Variants in PTPN3 observed in about 807,000 individuals in gnomAD.
PTPN3 encodes tyrosine-protein phosphatase non-receptor type 3.
PTPN3 carries 96 observed loss-of-function variants against 132.7 expected under a neutral mutation model. The observed-to-expected ratio is 0.72, with a 90% CI of 0.61 to 0.86. PTPN3 has a LOEUF of 0.86. Among genes scored for constraint, PTPN3 ranks in the 40% least tolerant of loss-of-function variants. The pLI is 0.00. For synonymous variants in PTPN3, 398 were observed against 429.0 expected (o/e 0.93, Z 0.89); for missense variants, 1,125 against 1,159.6 (o/e 0.97, Z 0.43).
chr9:109,381,372 G>C (rs528206020), intron 25 of PTPN3, among the ~76,000 whole-genome samples: 2 of 152,330 alleles, frequency 1.3e-5, no homozygotes, highest in Admixed American at 6.5e-5. Flanking sequence ...AGGTGGGTCG[G>C]TGCGGGGGAG....
intron 14 of PTPN3, chr9:109,417,681 C>T: frequency 1.0e-6 from 1 of 985,316 alleles, no homozygotes; most frequent in African/African-American, 1.7e-5. Flanking sequence ...AAGAGGTCTC[C>T]CACCTAACAG....
At chr9:109,450,240 C>T (rs2132000397) in intron 5 of PTPN3, 1 of 985,324 alleles carries the variant, frequency 1.0e-6, no homozygotes, top group East Asian at 1.1e-4. Flanking sequence ...TGCTGATTCA[C>T]ACCTATTTGG....
intron 19 of PTPN3, among the ~76,000 whole-genome samples, chr9:109,393,401 T>G (rs1180094483): frequency 1.3e-5 from 2 of 150,110 alleles, no homozygotes; most frequent in African/African-American, 4.9e-5. Context: ...TTTTTTTTTT[T>G]TTGAGATGGA....
chr9:109,428,574 C>T (rs1267025190), intron 11 of PTPN3, 47 bp downstream of exon 11: 2 of 1,583,462 alleles, frequency 1.3e-6, no homozygotes, highest in African/African-American at 2.7e-5. Context: ...TCTAACCACA[C>T]ACATACATAT....
At chr9:109,510,468 G>T in the PTPN3 span, among the ~76,000 whole-genome samples, 2 of 150,706 alleles carry the variant, frequency 1.3e-5, no homozygotes, top group Non-Finnish European at 2.9e-5. Context: ...TGAGGCAGGA[G>T]AATCCCTTGA....
intron 21 of PTPN3, among the ~76,000 whole-genome samples, chr9:109,390,462 C>A (rs933755035): frequency 5.9e-5 from 9 of 152,030 alleles, no homozygotes; most frequent in Admixed American, 4.6e-4. Context: ...AAAGTCTGAC[C>A]CCAGGTTCAG....
chr9:109,415,084 A>G (rs373896372), intron 14 of PTPN3, among the ~76,000 whole-genome samples: 46 of 63,360 alleles, frequency 7.3e-4, no homozygotes, highest in South Asian at 6.1e-3. Flanking sequence ...CCAACCATCC[A>G]TCCATCCATC....
chr9:109,390,467 G>C (rs1394410170), intron 21 of PTPN3, among the ~76,000 whole-genome samples: 1 of 152,084 alleles, frequency 6.6e-6, no homozygotes, highest in East Asian at 1.9e-4. Context: ...CTGACCCCAG[G>C]TTCAGATAGC....
At chr9:109,499,654 C>T (rs1483106826), upstream of PTPN3, among the ~76,000 whole-genome samples, 2 of 152,218 alleles carry the variant, frequency 1.3e-5, no homozygotes, top group Non-Finnish European at 2.9e-5. Flanking sequence ...ACCCTCCAGT[C>T]GGGCCTGGGT....
rs34634972 is a variant in PTPN3 at position 109,465,706 on chromosome 9, CAAAAAA to C, written c.-17-2261_-17-2256del. On this transcript the variant is annotated intron_variant, in intron 1 of 25. Coordinates refer to ENST00000374541, the MANE Select transcript of PTPN3 (RefSeq NM_002829.4). ...GGGCAAAAAGAACAAAACTCTGTCT[CAAAAAA>C]AAAAAAAAAAAAAAAAAGAATATGT... Among the ~76,000 whole-genome samples, 509 of 64,838 alleles carry C rather than the reference CAAAAAA, an allele frequency of 7.9e-3. 4 individuals carry two copies. The highest frequency in any genetic ancestry group is 0.031 in the African/African-American group (478 of 15,652). 42.5% of individuals were successfully genotyped at this position (64,838 alleles called of 152,430 possible).
At chr9:109,508,765 T>C in the PTPN3 span, among the ~76,000 whole-genome samples, 1 of 152,188 alleles carries the variant, frequency 6.6e-6, no homozygotes, top group Non-Finnish European at 1.5e-5. Context: ...TGTCCAGCAG[T>C]GTCCCAAATA....
At chr9:109,420,237 C>T (rs1364152862) in intron 14 of PTPN3, among the ~76,000 whole-genome samples, 187 bp downstream of exon 14, 5 of 152,178 alleles carry the variant, frequency 3.3e-5, no homozygotes, top group Admixed American at 3.3e-4. Context: ...AGACCCCAGG[C>T]ACATAGACCG....
At chr9:109,490,731 T>C (rs1257068189) in intron 1 of PTPN3, among the ~76,000 whole-genome samples, 1 of 149,378 alleles carries the variant, frequency 6.7e-6, no homozygotes, top group Non-Finnish European at 1.5e-5. Context: ...AGAGCGAGAC[T>C]CCATCTTGGA....
intron 19 of PTPN3, among the ~76,000 whole-genome samples, chr9:109,395,734 C>A (rs989684109): frequency 4.6e-5 from 7 of 150,728 alleles, no homozygotes; most frequent in Non-Finnish European, 3.0e-5. Flanking sequence ...TTGCAGTGAG[C>A]CAATATTGTG....
At chr9:109,397,434 C>T (rs942282777) in intron 19 of PTPN3, among the ~76,000 whole-genome samples, 9 of 152,162 alleles carry the variant, frequency 5.9e-5, no homozygotes, top group African/African-American at 1.2e-4. Flanking sequence ...AGACATAGTG[C>T]CCTATAACTA....
the PTPN3 span, among the ~76,000 whole-genome samples, chr9:109,528,440 G>A: frequency 1.3e-5 from 2 of 152,180 alleles, no homozygotes; most frequent in African/African-American, 4.8e-5. Flanking sequence ...GAAGAGTACC[G>A]ATCTCATAGA....
chr9:109,503,866 C>T, the PTPN3 span, among the ~76,000 whole-genome samples: 1 of 152,122 alleles, frequency 6.6e-6, no homozygotes, highest in African/African-American at 2.4e-5. Context: ...ATTATATACC[C>T]TACTATGTAT....
chr9:109,406,448 C>G lies in PTPN3; in HGVS notation c.1792+14G>C, dbSNP rs770287949. The stretch of plus-strand genomic sequence containing the variant: ...ACAGCTTCCCTATGGCTCCTCCCCC[C>G]AGGTGGCCATTACCTCTCCTCCTGA... On this transcript the variant is annotated intron_variant, in intron 18 of 25. Coordinates refer to ENST00000374541, the MANE Select transcript of PTPN3 (RefSeq NM_002829.4). 9 of 1,611,254 alleles carry G rather than the reference C, an allele frequency of 5.6e-6. No homozygotes were observed. The African/African-American group carries it at 6.7e-5, about 12-fold the overall frequency.
chr9:109,448,337 G>A (rs1844999502), intron 6 of PTPN3, among the ~76,000 whole-genome samples: 1 of 152,130 alleles, frequency 6.6e-6, no homozygotes, highest in Non-Finnish European at 1.5e-5. Context: ...AGGGACCATC[G>A]GCTTGGAATT....
Sources: allele counts gnomAD v4.1 joint callset (sites outside exome capture counted in the v4.1 genomes callset), GRCh38; gene constraint gnomAD v4.1.1; transcripts MANE v1.5; gene names NCBI Gene and HGNC (gene_info 2026-07-23, HGNC 2026-07-21).